Variants in RBFOX1 observed in about 807,000 individuals in gnomAD.
RBFOX1 encodes the protein RNA binding fox-1 homolog 1, also known as RNA binding protein fox-1 homolog 1.
Under a neutral mutation model 57.7 loss-of-function variants are expected in RBFOX1, and 8 were observed. That is an observed-to-expected ratio of 0.14 (90% confidence interval 0.08 to 0.25). The LOEUF is 0.25. Ranked by LOEUF, RBFOX1 falls within the 10% of genes least tolerant of loss-of-function variation. The probability of loss-of-function intolerance (pLI) is 1.00; values close to 1 mark genes in which losing one functional copy is unlikely to be tolerated. For synonymous variants in RBFOX1, 326 were observed against 222.4 expected (o/e 1.47, Z -4.15); for missense variants, 611 against 548.5 (o/e 1.11, Z -1.14).
intron 4 of RBFOX1, among the ~76,000 whole-genome samples, chr16:7,234,555 A>C (rs2093670934): frequency 6.6e-6 from 1 of 151,508 alleles, no homozygotes; most frequent in Non-Finnish European, 1.5e-5. Flanking sequence ...TTTAACCATG[A>C]AGTCTTCTGT....
At chr16:7,598,737 G>T (rs2094845541) in intron 9 of RBFOX1, among the ~76,000 whole-genome samples, 1 of 151,916 alleles carries the variant, frequency 6.6e-6, no homozygotes, top group Admixed American at 6.6e-5. Flanking sequence ...ATTTTTAATT[G>T]GGTTTTTTAA....
intron 3 of RBFOX1, among the ~76,000 whole-genome samples, chr16:5,732,026 C>T (rs769278115): frequency 8.5e-5 from 13 of 152,180 alleles, no homozygotes; most frequent in Non-Finnish European, 1.8e-4. Context: ...AAGACAGCCT[C>T]ATTGCAGCCA....
At chr16:6,016,507 G>A (rs1278290053), upstream of RBFOX1, among the ~76,000 whole-genome samples, 1 of 152,152 alleles carries the variant, frequency 6.6e-6, no homozygotes, top group Non-Finnish European at 1.5e-5. Flanking sequence ...GGGGAATAAT[G>A]AAGAGCTATA....
intron 1 of RBFOX1, among the ~76,000 whole-genome samples, chr16:6,237,214 G>A (rs1036529330): frequency 1.3e-5 from 2 of 152,088 alleles, no homozygotes; most frequent in East Asian, 1.9e-4. Context: ...TAGGTATTTC[G>A]TCTTTGTTAT....
chr16:6,074,742 A>G (rs532059287), intron 1 of RBFOX1, among the ~76,000 whole-genome samples: 1 of 152,274 alleles, frequency 6.6e-6, no homozygotes, highest in East Asian at 1.9e-4. Flanking sequence ...TCTTGCTAAC[A>G]CTGGACAATG....
intron 3 of RBFOX1, among the ~76,000 whole-genome samples, chr16:7,016,645 G>A (rs894139375): frequency 3.3e-5 from 5 of 152,170 alleles, no homozygotes; most frequent in African/African-American, 1.2e-4. Flanking sequence ...CGTGATACAC[G>A]ATGCAAAACC....
chr16:5,965,894 A>G (rs1041778871), intron 4 of RBFOX1, among the ~76,000 whole-genome samples: 5 of 151,990 alleles, frequency 3.3e-5, no homozygotes, highest in Non-Finnish European at 5.9e-5. Context: ...CACACCTCTC[A>G]TTATAAATCA....
At chr16:5,504,650 A>C (rs992128133) in intron 2 of RBFOX1, among the ~76,000 whole-genome samples, 1 of 152,252 alleles carries the variant, frequency 6.6e-6, no homozygotes, top group Non-Finnish European at 1.5e-5. Flanking sequence ...GAGCAGATGT[A>C]CTGTCTACCA....
chr16:5,924,826 C>T (rs1289636617), intron 4 of RBFOX1, among the ~76,000 whole-genome samples: 1 of 152,048 alleles, frequency 6.6e-6, no homozygotes, highest in South Asian at 2.1e-4. Flanking sequence ...GTGTTCCTTC[C>T]CAAGGATGGA....
chr16:7,359,118 C>T (rs1293549242), intron 4 of RBFOX1, among the ~76,000 whole-genome samples: 2 of 152,184 alleles, frequency 1.3e-5, no homozygotes, highest in East Asian at 1.9e-4. Flanking sequence ...GTGAGTTAAA[C>T]ATGTTGGCTT....
intron 3 of RBFOX1, among the ~76,000 whole-genome samples, chr16:6,966,020 A>G (rs960664192): frequency 1.3e-5 from 2 of 152,272 alleles, no homozygotes; most frequent in East Asian, 3.9e-4. Context: ...ATCATAGAAA[A>G]TCGGAGATAC....
intron 7 of RBFOX1, among the ~76,000 whole-genome samples, chr16:7,594,513 T>C (rs2094592462): frequency 6.6e-6 from 1 of 152,212 alleles, no homozygotes; most frequent in South Asian, 2.1e-4. Context: ...TGTCGTATTT[T>C]CTGTACTTAG....
intron 4 of RBFOX1, among the ~76,000 whole-genome samples, chr16:7,206,432 T>C (rs373114064): frequency 2.0e-5 from 3 of 147,366 alleles, no homozygotes; most frequent in Admixed American, 6.8e-5. Context: ...TATATACATA[T>C]ATGTATTATA....
intron 1 of RBFOX1, among the ~76,000 whole-genome samples, chr16:6,281,015 GTATTACA>G (rs1178278253): frequency 6.6e-6 from 1 of 150,412 alleles, no homozygotes; most frequent in Non-Finnish European, 1.5e-5. Context: ...ATATATATAT[GTATTACA>G]TATGTATGTA....
intron 2 of RBFOX1, among the ~76,000 whole-genome samples, chr16:6,617,121 G>A (rs528260439): frequency 2.0e-5 from 3 of 152,154 alleles, no homozygotes; most frequent in East Asian, 2.0e-4. Flanking sequence ...TTTGGAAGAC[G>A]TAAGACTTAA....
At chr16:5,749,204 T>C (rs984951741) in intron 3 of RBFOX1, among the ~76,000 whole-genome samples, 4 of 152,114 alleles carry the variant, frequency 2.6e-5, no homozygotes, top group Non-Finnish European at 4.4e-5. Flanking sequence ...CCACCCCCTT[T>C]TGGTTTGTAG....
intron 1 of RBFOX1, among the ~76,000 whole-genome samples, chr16:5,458,754 C>T (rs924618931): frequency 6.6e-6 from 1 of 152,172 alleles, no homozygotes; most frequent in South Asian, 2.1e-4. Context: ...AAACTTAAAC[C>T]TATTCATCTC....
intron 4 of RBFOX1, among the ~76,000 whole-genome samples, chr16:7,190,055 A>C (rs1237012051): frequency 6.6e-6 from 1 of 152,214 alleles, no homozygotes; most frequent in Non-Finnish European, 1.5e-5. Flanking sequence ...GGGCTAGCAC[A>C]GTTAAATTTA....
At chr16:7,233,567 C>T (rs763715906) in intron 4 of RBFOX1, among the ~76,000 whole-genome samples, 18 of 152,118 alleles carry the variant, frequency 1.2e-4, no homozygotes, top group Non-Finnish European at 2.2e-4. Context: ...GTCTATTTTG[C>T]TCTAATGTGT....
Sources: gnomAD v4.1 joint callset for allele counts (sites outside exome capture counted in the v4.1 genomes callset) on GRCh38, gnomAD v4.1.1 for gene constraint, MANE v1.5 for transcripts, NCBI Gene and HGNC (gene_info 2026-07-23, HGNC 2026-07-21) for gene names.